XPO4: variants seen among roughly 807,000 people sequenced by gnomAD.
XPO4 encodes the protein exportin 4.
A neutral mutation model predicts 143.0 loss-of-function variants in XPO4; 39 were observed. The ratio of observed to expected loss-of-function variants is 0.27; its 90% CI spans 0.21 to 0.36. The LOEUF is 0.36. Ranked by LOEUF, XPO4 falls within the 10% of genes least tolerant of loss-of-function variation. XPO4 has a pLI of 1.00. For missense variants in XPO4, 907 were observed against 1,348.0 expected (o/e 0.67, Z 5.12); for synonymous variants, 439 against 474.0 (o/e 0.93, Z 0.96).
At chr13:20,823,583 T>C (rs956113584) in intron 7 of XPO4, among the ~76,000 whole-genome samples, 11 of 152,000 alleles carry the variant, frequency 7.2e-5, no homozygotes, top group Non-Finnish European at 1.3e-4. Flanking sequence ...TTTTCTTTTT[T>C]CCATTTTTGT....
In XPO4 at chr13:20,796,139, G is replaced by C; in HGVS notation, c.2734C>G (p.Leu912Val). The change falls in exon 18 of 23, where the codon CTT (leucine) becomes GTT (valine). Residue 912 changes from leucine to valine, a missense_variant. By Grantham distance (32) the Leu-to-Val change is conservative (BLOSUM62 1). Coordinates refer to ENST00000255305, the MANE Select transcript of XPO4 (RefSeq NM_022459.5). ...TAEEEQYQDL[L>V]LIMELLTNLL... Reference sequence around the variant, plus strand: ...TTAGTAAGAAGTTCCATAATGAGAAGCAGGTCTTGGTATTGCTCTTCTTCT... The same window carrying C: ...TTAGTAAGAAGTTCCATAATGAGAACCAGGTCTTGGTATTGCTCTTCTTCT... 6.2e-7 allele frequency: 1 copy of C among 1,613,798 alleles called. No homozygotes were observed. Among genetic ancestry groups the C allele is most frequent in the Non-Finnish European group, 8.5e-7 (1 of 1,179,892 alleles).
chr13:20,899,361 A>AT (rs1411488697), intron 1 of XPO4, among the ~76,000 whole-genome samples: 4 of 152,042 alleles, frequency 2.6e-5, no homozygotes, highest in Non-Finnish European at 4.4e-5. Flanking sequence ...AAAAAAAAAA[A>AT]AGAGTAAAGG....
Position 20,855,684 on chromosome 13 carries a change from G to A in XPO4, c.399C>T (p.Asp133=), listed in dbSNP as rs2060136899. Residue 133 remains aspartate, a synonymous_variant, in exon 4 of 23, where the codon GAC becomes GAT. Coordinates refer to ENST00000255305, the MANE Select transcript of XPO4 (RefSeq NM_022459.5). ...TGACTTCATGAAAAATGCTTTTGCAGTCAATTGATTTATCTAATGATCCTC... is the reference window on the plus strand; with the variant it reads ...TGACTTCATGAAAAATGCTTTTGCAATCAATTGATTTATCTAATGATCCTC... ...VKRGSLDKSI[D]CKSIFHEVSQ... is the part of the protein sequence containing the mutation. 6.2e-7 allele frequency: 1 copy of A among 1,612,612 alleles called. No homozygotes were observed. Among genetic ancestry groups the A allele is most frequent in the Non-Finnish European group, 8.5e-7 (1 of 1,179,700 alleles).
chr13:20,879,331 G>A (rs2060383919), intron 1 of XPO4: 1 of 967,990 alleles, frequency 1.0e-6, no homozygotes, highest in Non-Finnish European at 1.2e-6. Context: ...AGAAGGGAGG[G>A]AAGGATTAAC....
chr13:20,829,518 A>G (rs1435409928), intron 6 of XPO4, among the ~76,000 whole-genome samples: 1 of 152,200 alleles, frequency 6.6e-6, no homozygotes, highest in East Asian at 1.9e-4. Context: ...AGTAGCTAGC[A>G]GATGTGTGAT....
intron 4 of XPO4, among the ~76,000 whole-genome samples, chr13:20,845,567 C>A (rs79922205): frequency 6.6e-6 from 1 of 152,192 alleles, no homozygotes; most frequent in Non-Finnish European, 1.5e-5. Flanking sequence ...CAGAAAAAAA[C>A]AGTTGATCAC....
Position 20,806,539 on chromosome 13 carries a change from C to CTTTT in XPO4, c.1817+914_1817+917dup, listed in dbSNP as rs3056347. Among the ~76,000 whole-genome samples, 36 of 61,646 alleles carry CTTTT rather than the reference C, an allele frequency of 5.8e-4. 2 individuals are homozygous for CTTTT. Among genetic ancestry groups the CTTTT allele is most frequent in the African/African-American group, 2.3e-3 (34 of 14,732 alleles). 40.4% of individuals were successfully genotyped at this position (61,646 alleles called of 152,430 possible). ...TGTTTTCAAATTCACTTTCAGGACC[C>CTTTT]TTTTTTTTTTTTTTTTTTTTTTTTT... On this transcript the variant is annotated intron_variant, in intron 13 of 22. Transcript: ENST00000255305.
chr13:20,868,337 G>T, intron 2 of XPO4: 1 of 314,790 alleles, frequency 3.2e-6, no homozygotes, highest in Non-Finnish European at 5.5e-6. Context: ...ACTATTAACA[G>T]CCTTCATGTT....
At chr13:20,830,417 A>G (rs150593885) in intron 6 of XPO4, among the ~76,000 whole-genome samples, 460 of 152,350 alleles carry the variant, frequency 3.0e-3, no homozygotes, top group Non-Finnish European at 5.3e-3. Context: ...AAGAGGCTAC[A>G]CTTACCTTCC....
At chr13:20,885,847 TAA>T (rs1222493273) in intron 1 of XPO4, among the ~76,000 whole-genome samples, 1 of 151,982 alleles carries the variant, frequency 6.6e-6, no homozygotes, top group Admixed American at 6.6e-5. Context: ...CTAATCAAAA[TAA>T]AGTTAATGAA....
chr13:20,803,319 C>T lies in XPO4; in HGVS notation c.1818-2329G>A, dbSNP rs1406042976. On this transcript the variant is annotated intron_variant, in intron 13 of 22. Transcript: ENST00000255305. The surrounding 1 kb of genome is among the most constrained non-coding windows in gnomAD (Gnocchi z 4.1). The stretch of plus-strand genomic sequence containing the variant: ...CAGTGCCACACTGTTTGCAACTGTC[C>T]CTCTCCTCTGTGGGGTTTTACACAC... Among the ~76,000 whole-genome samples, 1 of 152,084 alleles carries T rather than the reference C, an allele frequency of 6.6e-6. No homozygotes were observed. Among genetic ancestry groups the T allele is most frequent in the Non-Finnish European group, 1.5e-5 (1 of 68,022 alleles).
rs78586782 is a variant in XPO4 at position 20,850,414 on chromosome 13, C to T, written c.456+5213G>A. ...CAAGTGTGAATCCAAAATCAGTGTT[C>T]TATTATACTACACTGCCCCTAAACC... On this transcript the variant is annotated intron_variant, in intron 4 of 22. Coordinates refer to ENST00000255305, the MANE Select transcript of XPO4 (RefSeq NM_022459.5). 1,265 of 274,392 alleles carry T rather than the reference C, an allele frequency of 4.6e-3. 7 individuals are homozygous for T. The highest frequency in any genetic ancestry group is 5.5e-3 in the Non-Finnish European group (988 of 179,836). The allele number at this position is 274,392 out of a possible 1,614,324, so 17.0% of individuals were successfully genotyped here.
chr13:20,808,316 G>A, intron 12 of XPO4, 120 bp downstream of exon 12: 1 of 1,073,162 alleles, frequency 9.3e-7, no homozygotes, highest in South Asian at 3.0e-5. Flanking sequence ...ACAGAAAATG[G>A]CTGTATCCAA....
At chr13:20,828,093 T>C (rs2059806924) in intron 6 of XPO4, among the ~76,000 whole-genome samples, 1 of 152,032 alleles carries the variant, frequency 6.6e-6, no homozygotes, top group African/African-American at 2.4e-5. Context: ...AAAAATTAGC[T>C]GGGCATGGTG....
intron 13 of XPO4, among the ~76,000 whole-genome samples, chr13:20,806,691 T>A (rs1274193917): frequency 6.6e-6 from 1 of 151,620 alleles, no homozygotes; most frequent in Non-Finnish European, 1.5e-5. Context: ...TAGCTGGGAC[T>A]ACAGGCGTAC....
intron 6 of XPO4, among the ~76,000 whole-genome samples, chr13:20,841,751 C>G (rs2138056432): frequency 6.6e-6 from 1 of 151,780 alleles, no homozygotes; most frequent in South Asian, 2.1e-4. Flanking sequence ...ATAATTTTAC[C>G]AGCCACAAAT....
intron 1 of XPO4, among the ~76,000 whole-genome samples, chr13:20,878,925 G>A (rs1453354011): frequency 1.3e-5 from 2 of 152,074 alleles, no homozygotes; most frequent in African/African-American, 2.4e-5. Context: ...TTCTATTCTC[G>A]ATAGTACAGC....
chr13:20,849,593 C>A, intron 4 of XPO4: 1 of 985,300 alleles, frequency 1.0e-6, no homozygotes, highest in Non-Finnish European at 1.2e-6. Flanking sequence ...ACCACGTAAC[C>A]TTTATAATTA....
At chr13:20,806,293 A>G (rs1005578487) in intron 13 of XPO4, among the ~76,000 whole-genome samples, 8 of 152,206 alleles carry the variant, frequency 5.3e-5, no homozygotes, top group African/African-American at 1.9e-4. Flanking sequence ...TTCCTTGGTT[A>G]TCAGCTTAAT....
Sources: allele counts gnomAD v4.1 joint callset (sites outside exome capture counted in the v4.1 genomes callset), GRCh38; gene constraint gnomAD v4.1.1; non-coding constraint Gnocchi (gnomAD v3.1); transcripts MANE v1.5; gene names NCBI Gene and HGNC (gene_info 2026-07-23, HGNC 2026-07-21).